Variants in CSMD1 observed in about 807,000 individuals in gnomAD.
CSMD1 encodes CUB and sushi domain-containing protein 1.
CSMD1 carries 213 observed loss-of-function variants against 417.5 expected under a neutral mutation model. That is an observed-to-expected ratio of 0.51 (90% confidence interval 0.46 to 0.57). The LOEUF (loss-of-function observed/expected upper bound fraction) is 0.57, where lower values mean the gene tolerates loss of function less well. Ranked by LOEUF, CSMD1 falls within the 20% of genes least tolerant of loss-of-function variation. The pLI, the probability that CSMD1 is intolerant of heterozygous loss-of-function variation, is 0.00. For missense variants in CSMD1, 6,923 were observed against 4,529.7 expected (o/e 1.53, Z -15.17); for synonymous variants, 2,862 against 1,736.8 (o/e 1.65, Z -16.11).
chr8:4,890,662 G>T (rs1804056960), intron 1 of CSMD1, among the ~76,000 whole-genome samples: 1 of 152,080 alleles, frequency 6.6e-6, no homozygotes, highest in Admixed American at 6.5e-5. Flanking sequence ...ACAGATGAGA[G>T]CGTGTGACTC....
At chr8:3,522,688 T>C (rs1224147842) in intron 10 of CSMD1, among the ~76,000 whole-genome samples, 2 of 152,092 alleles carry the variant, frequency 1.3e-5, no homozygotes, top group African/African-American at 4.8e-5. Context: ...AGTAGATCAG[T>C]CGTCCCGGTA....
At chr8:4,369,159 T>C (rs1019607785) in intron 3 of CSMD1, among the ~76,000 whole-genome samples, 1 of 152,194 alleles carries the variant, frequency 6.6e-6, no homozygotes, top group Non-Finnish European at 1.5e-5. Context: ...CCATTTTCAC[T>C]GGTTTCAAAA....
chr8:4,916,255 C>T (rs537212511), intron 1 of CSMD1, among the ~76,000 whole-genome samples: 5 of 149,228 alleles, frequency 3.4e-5, no homozygotes, highest in Non-Finnish European at 5.9e-5. Context: ...CGGCACACTA[C>T]GATGACAAGA....
chr8:3,365,425 A>C (rs528722178), intron 20 of CSMD1, among the ~76,000 whole-genome samples: 3 of 152,364 alleles, frequency 2.0e-5, no homozygotes, highest in Admixed American at 6.5e-5. Flanking sequence ...ATGTTAATCA[A>C]CATGCACTAG....
intron 5 of CSMD1, among the ~76,000 whole-genome samples, chr8:3,970,148 T>C (rs564634831): frequency 1.4e-4 from 21 of 152,276 alleles, no homozygotes; most frequent in African/African-American, 5.1e-4. Context: ...AAATAATCAT[T>C]TTATGTGACA....
chr8:4,118,894 T>C (rs1260726899), intron 3 of CSMD1, among the ~76,000 whole-genome samples: 1 of 152,190 alleles, frequency 6.6e-6, no homozygotes, highest in Non-Finnish European at 1.5e-5. Context: ...ATATACACCA[T>C]GGAATACTAT....
chr8:4,149,138 A>G (rs779900563), intron 3 of CSMD1, among the ~76,000 whole-genome samples: 217 of 151,948 alleles, frequency 1.4e-3, no homozygotes, highest in Non-Finnish European at 2.5e-3. Context: ...TAATTTTTCT[A>G]TTTTTAGTAG....
chr8:3,054,470 T>G (rs998997628), intron 49 of CSMD1, among the ~76,000 whole-genome samples: 4 of 151,982 alleles, frequency 2.6e-5, no homozygotes, highest in Admixed American at 1.3e-4. Flanking sequence ...ATACAAAAAT[T>G]AGGCAGATGT....
chr8:3,728,114 T>G (rs994934842), intron 6 of CSMD1, among the ~76,000 whole-genome samples: 2 of 152,124 alleles, frequency 1.3e-5, no homozygotes, highest in Non-Finnish European at 2.9e-5. Flanking sequence ...CTCCCATAAT[T>G]CCCACGTGCG....
At chr8:4,866,997 A>G (rs943720022) in intron 1 of CSMD1, among the ~76,000 whole-genome samples, 9 of 151,970 alleles carry the variant, frequency 5.9e-5, no homozygotes, top group African/African-American at 2.4e-5. Context: ...TCCTCAGCAT[A>G]TTACTACTCA....
At chr8:3,935,798 T>C (rs1288776694) in intron 5 of CSMD1, among the ~76,000 whole-genome samples, 2 of 152,144 alleles carry the variant, frequency 1.3e-5, no homozygotes, top group Non-Finnish European at 2.9e-5. Context: ...TACAGTGGCC[T>C]TTATGTGCTC....
In CSMD1 at chr8:4,872,292, G is replaced by C. The variant is rs114807617; in HGVS notation, c.85+122040C>G. Among the ~76,000 whole-genome samples, 392 of 152,140 alleles carry C rather than the reference G, an allele frequency of 2.6e-3. 4 individuals carry two copies. Among genetic ancestry groups the C allele is most frequent in the African/African-American group, 9.0e-3 (372 of 41,464 alleles). On this transcript the variant is annotated intron_variant, in intron 1 of 69. Transcript: ENST00000635120. The stretch of plus-strand genomic sequence containing the variant: ...ATACTGCCTGATATGGTTAGGCTTT[G>C]TGTCCCCACCCAAATCTCATCTTGA...
intron 7 of CSMD1, among the ~76,000 whole-genome samples, chr8:3,644,350 G>C (rs942377162): frequency 2.0e-5 from 3 of 152,194 alleles, no homozygotes; most frequent in Non-Finnish European, 4.4e-5. Context: ...CTTGTGTCAT[G>C]TCTGGCTCTA....
rs375656220 is a variant in CSMD1, at chr8:2,998,019, G to A, written c.8369C>T (p.Thr2790Met). The A allele has an allele frequency of 3.4e-5, 55 of 1,613,646 alleles. No individual in the cohort carries two copies. Among genetic ancestry groups the A allele is most frequent in the South Asian group, 7.7e-5 (7 of 91,038 alleles). Residue 2790 changes from threonine (T) to methionine (M), a missense_variant, in exon 54 of 70, where the codon ACG becomes ATG. Thr to Met is a moderately conservative substitution (Grantham distance 81). Coordinates refer to ENST00000635120, the MANE Select transcript of CSMD1 (RefSeq NM_033225.6). The stretch of plus-strand genomic sequence containing the variant: ...CTGGATGCTGTTCCTACCTCGACAC[G>A]TGGGCAGAGGGCTACTCCACTGGCC... Reference protein sequence around the residue: ...SNGQWSSPLPTCRVVNCSDPG... With the variant: ...SNGQWSSPLPMCRVVNCSDPG...
chr8:4,241,679 G>C (rs1802412324), intron 3 of CSMD1, among the ~76,000 whole-genome samples: 3 of 150,930 alleles, frequency 2.0e-5, no homozygotes, highest in Non-Finnish European at 4.4e-5. Flanking sequence ...ATCCAGATAA[G>C]AAATGGGATT....
chr8:3,988,498 C>A (rs1814501611), intron 5 of CSMD1, among the ~76,000 whole-genome samples: 1 of 152,168 alleles, frequency 6.6e-6, no homozygotes, highest in African/African-American at 2.4e-5. Context: ...ACAGCAGCAC[C>A]AACCAGAGCT....
chr8:4,308,743 G>A (rs76131366), intron 3 of CSMD1, among the ~76,000 whole-genome samples: 1,798 of 152,292 alleles, frequency 0.012, 28 homozygotes, highest in African/African-American at 0.04. Context: ...AGATGTGTAA[G>A]ACTGGCTGTT....
intron 1 of CSMD1, among the ~76,000 whole-genome samples, chr8:4,732,959 G>A (rs912085949): frequency 1.3e-5 from 2 of 152,008 alleles, no homozygotes; most frequent in East Asian, 3.9e-4. Flanking sequence ...GAGGGAACAG[G>A]TGCATTTGTA....
chr8:4,162,244 A>G (rs1797216463), intron 3 of CSMD1, among the ~76,000 whole-genome samples: 1 of 152,240 alleles, frequency 6.6e-6, no homozygotes, highest in South Asian at 2.1e-4. Context: ...CATCTAAGAA[A>G]CATTCTGCAA....
Sources: allele counts gnomAD v4.1 joint callset (sites outside exome capture counted in the v4.1 genomes callset), GRCh38; gene constraint gnomAD v4.1.1; transcripts MANE v1.5; gene names NCBI Gene and HGNC (gene_info 2026-07-23, HGNC 2026-07-21).